The following SETBP1 variants were observed in gnomAD, a reference collection of about 807,000 sequenced individuals.
The protein encoded by SETBP1 is SET binding protein 1, also known as SET-binding protein.
SETBP1 carries 9 observed loss-of-function variants against 101.0 expected under a neutral mutation model. That is an observed-to-expected ratio of 0.09 (90% CI 0.05 to 0.16). SETBP1 has a LOEUF of 0.16. Among genes scored for constraint, SETBP1 ranks in the 10% least tolerant of loss-of-function variants. The pLI is 1.00. For missense variants in SETBP1, 1,858 were observed against 2,033.8 expected, an observed-to-expected ratio of 0.91 and a Z score of 1.66; for synonymous variants, 818 against 788.5, an observed-to-expected ratio of 1.04 and a Z score of -0.63.
At chr18:44,719,395 A>C (rs2069535980) in intron 2 of SETBP1, among the ~76,000 whole-genome samples, 1 of 152,198 alleles carries the variant, frequency 6.6e-6, no homozygotes, top group Non-Finnish European at 1.5e-5. Context: ...GGGCGGCACC[A>C]GGATTTCAAG....
intron 2 of SETBP1, among the ~76,000 whole-genome samples, chr18:44,841,954 C>T (rs1289357986): frequency 1.3e-5 from 2 of 152,206 alleles, no homozygotes; most frequent in Non-Finnish European, 2.9e-5. Context: ...CTTATGACAG[C>T]TTGGGCGTGA....
chr18:44,945,430 C>G (rs76159111), intron 3 of SETBP1, among the ~76,000 whole-genome samples: 1,915 of 152,278 alleles, frequency 0.013, 44 homozygotes, highest in African/African-American at 0.044. Flanking sequence ...ACTGTAAGCA[C>G]AAATCTGCCT....
intron 4 of SETBP1, among the ~76,000 whole-genome samples, chr18:45,014,330 C>T (rs1387755434): frequency 6.6e-6 from 1 of 152,216 alleles, no homozygotes; most frequent in Non-Finnish European, 1.5e-5. Context: ...TAGCTCTGAC[C>T]TGCCACCCTG....
intron 2 of SETBP1, among the ~76,000 whole-genome samples, chr18:44,866,631 G>A (rs1021268214): frequency 2.0e-5 from 3 of 152,118 alleles, no homozygotes; most frequent in Non-Finnish European, 4.4e-5. Flanking sequence ...CCTTCTGCAC[G>A]CCCAGGGTCT....
intron 5 of SETBP1, among the ~76,000 whole-genome samples, chr18:45,049,863 A>G (rs1021535539): frequency 1.9e-4 from 29 of 152,304 alleles, no homozygotes; most frequent in African/African-American, 7.0e-4. Flanking sequence ...GAAATTTGGC[A>G]CTCCAATACA....
At chr18:44,969,996 A>T (rs1342350638) in intron 4 of SETBP1, 4 of 154,668 alleles carry the variant, frequency 2.6e-5, no homozygotes, top group African/African-American at 9.6e-5. Flanking sequence ...TGAGTCAAAG[A>T]ATCCTAATTC....
intron 4 of SETBP1, among the ~76,000 whole-genome samples, chr18:44,999,452 T>G (rs1034025307): frequency 6.6e-6 from 1 of 152,216 alleles, no homozygotes; most frequent in Non-Finnish European, 1.5e-5. Context: ...GTGTGCGTGA[T>G]GGGAAGGTGA....
intron 2 of SETBP1, among the ~76,000 whole-genome samples, chr18:44,771,968 C>T (rs1431825012): frequency 6.6e-6 from 1 of 152,206 alleles, no homozygotes; most frequent in Non-Finnish European, 1.5e-5. Context: ...GTTAATAAAA[C>T]CTCTTGATAC....
At chr18:44,984,507 C>T (rs1313374145) in intron 4 of SETBP1, among the ~76,000 whole-genome samples, 3 of 152,104 alleles carry the variant, frequency 2.0e-5, no homozygotes, top group Admixed American at 6.5e-5. Context: ...CTGCACCTGC[C>T]GCTTAACTCT....
intron 4 of SETBP1, among the ~76,000 whole-genome samples, chr18:45,037,647 G>A (rs933574106): frequency 4.6e-5 from 7 of 152,134 alleles, no homozygotes; most frequent in African/African-American, 1.7e-4. Flanking sequence ...CAGGAAATGG[G>A]AATGCAGAAT....
intron 3 of SETBP1, among the ~76,000 whole-genome samples, chr18:44,915,144 A>G (rs1275360104): frequency 6.6e-6 from 1 of 152,206 alleles, no homozygotes; most frequent in Non-Finnish European, 1.5e-5. Context: ...GATCCCTAAT[A>G]TAATAGGGCA....
intron 2 of SETBP1, among the ~76,000 whole-genome samples, chr18:44,730,663 C>T (rs1249590035): frequency 2.0e-5 from 3 of 152,164 alleles, no homozygotes; most frequent in Non-Finnish European, 4.4e-5. Context: ...CTCAGCAGAT[C>T]CTTCTTGCTT....
intron 2 of SETBP1, among the ~76,000 whole-genome samples, chr18:44,749,985 C>G (rs2070344760): frequency 6.6e-6 from 1 of 152,092 alleles, no homozygotes; most frequent in Non-Finnish European, 1.5e-5. Flanking sequence ...GTGAAGGACT[C>G]ATAAATGATG....
chr18:45,020,541 C>A (rs1268937745), intron 4 of SETBP1, among the ~76,000 whole-genome samples: 2 of 152,114 alleles, frequency 1.3e-5, no homozygotes, highest in African/African-American at 4.8e-5. Context: ...CTTAAGGTGG[C>A]CAGGTGAATT....
chr18:44,876,218 G>A (rs1420521090), intron 3 of SETBP1, among the ~76,000 whole-genome samples: 1 of 152,176 alleles, frequency 6.6e-6, no homozygotes, highest in Non-Finnish European at 1.5e-5. Flanking sequence ...AGGGCCAGCA[G>A]TGAGGATACA....
chr18:44,873,825 A>C (rs1402096167), intron 3 of SETBP1, among the ~76,000 whole-genome samples: 2 of 152,212 alleles, frequency 1.3e-5, no homozygotes, highest in Non-Finnish European at 2.9e-5. Flanking sequence ...TACTTACACA[A>C]AAGTTAGCAT....
At chr18:44,745,761 C>T (rs147912432) in intron 2 of SETBP1, among the ~76,000 whole-genome samples, 5 of 152,176 alleles carry the variant, frequency 3.3e-5, no homozygotes, top group Admixed American at 2.0e-4. Flanking sequence ...CTTGGAAGTG[C>T]TAAGTGAGCA....
At chr18:44,693,077 C>T (rs1352533048) in intron 1 of SETBP1, among the ~76,000 whole-genome samples, 2 of 150,446 alleles carry the variant, frequency 1.3e-5, no homozygotes, top group Admixed American at 6.6e-5. Context: ...TTGCTCTTGC[C>T]GATTGAGAGC....
intron 4 of SETBP1, among the ~76,000 whole-genome samples, chr18:45,024,079 T>C (rs991352027): frequency 1.3e-5 from 2 of 152,186 alleles, no homozygotes; most frequent in Non-Finnish European, 2.9e-5. Context: ...TTTTGATCCT[T>C]ACACAGAATG....
Sources: gnomAD v4.1 joint callset for allele counts (sites outside exome capture counted in the v4.1 genomes callset) on GRCh38, gnomAD v4.1.1 for gene constraint, MANE v1.5 for transcripts, NCBI Gene and HGNC (gene_info 2026-07-23, HGNC 2026-07-21) for gene names.